RGPD3: variants seen among roughly 807,000 people sequenced by gnomAD.
The protein encoded by RGPD3 is ranBP2-like and GRIP domain-containing protein 3.
RGPD3 carries 62 observed loss-of-function variants against 154.5 expected under a neutral mutation model. The ratio of observed to expected loss-of-function variants is 0.40; its 90% CI spans 0.33 to 0.50. RGPD3 has a LOEUF of 0.50. Among genes scored for constraint, RGPD3 ranks in the 20% least tolerant of loss-of-function variants. The pLI is 0.59. For synonymous variants in RGPD3, 308 were observed against 607.0 expected (o/e 0.51, Z 7.24); for missense variants, 919 against 1,716.8 (o/e 0.54, Z 8.21).
rs1490936174 is a variant in RGPD3 at position 106,438,510 on chromosome 2, G to A, written c.1276+458C>T. ...CTCAAAATACAACAAGGCTGGTCAC[G>A]GTGGCTCACACCTGTAATCCCAGCA... On this transcript the variant is annotated intron_variant, in intron 9 of 22. Transcript: ENST00000409886. Among the ~76,000 whole-genome samples, 10 of 148,578 alleles carry A rather than the reference G, an allele frequency of 6.7e-5. No individual in the cohort carries two copies. In the East Asian group the frequency reaches 8.5e-4, roughly 13 times the overall value.
intron 17 of RGPD3, among the ~76,000 whole-genome samples, chr2:106,432,263 G>T (rs1343385622): frequency 6.7e-6 from 1 of 148,182 alleles, no homozygotes; most frequent in African/African-American, 2.5e-5. Flanking sequence ...AACCAGCTTG[G>T]CCAACATGGT....
rs771661485 is a variant in RGPD3 at position 106,468,201 on chromosome 2, T to G, written c.72+16A>C. Reference sequence around the variant, plus strand: ...CGGCCAGGTCGAGGCCGTCGGTCTCTTCCAGACCCACTCACCTTTCGAGGC... The same window carrying G: ...CGGCCAGGTCGAGGCCGTCGGTCTCGTCCAGACCCACTCACCTTTCGAGGC... On this transcript the variant is annotated intron_variant, in intron 1 of 22. Transcript: ENST00000409886. 1.2e-6 allele frequency: 2 copies of G among 1,600,164 alleles called. No homozygotes were observed. Among genetic ancestry groups the G allele is most frequent in the African/African-American group, 2.7e-5 (2 of 74,582 alleles).
chr2:106,438,439 G>A (rs1481230507), intron 9 of RGPD3, among the ~76,000 whole-genome samples: 41 of 149,926 alleles, frequency 2.7e-4, no homozygotes, highest in Non-Finnish European at 4.8e-4. Context: ...AGTGACCTAC[G>A]ATCACGCCAC....
chr2:106,446,227 C>T, intron 7 of RGPD3, among the ~76,000 whole-genome samples: 1 of 122,378 alleles, frequency 8.2e-6, no homozygotes, highest in African/African-American at 3.1e-5. Context: ...TGGAAGACTG[C>T]TTATTTCTTT....
intron 18 of RGPD3, among the ~76,000 whole-genome samples, chr2:106,426,780 A>G (rs1281116048): frequency 6.6e-6 from 1 of 152,268 alleles, no homozygotes; most frequent in East Asian, 1.9e-4. Context: ...GAAAACAACC[A>G]AAAGATCTTT....
At chr2:106,421,351 C>T (rs1230822108) in intron 20 of RGPD3, among the ~76,000 whole-genome samples, 1 of 152,048 alleles carries the variant, frequency 6.6e-6, no homozygotes, top group African/African-American at 2.4e-5. Context: ...AAGTATACAT[C>T]CACTTTTAAG....
Position 106,466,990 on chromosome 2 carries a change from T to C in RGPD3, c.72+1227A>G, listed in dbSNP as rs1295950474. ...GGCCGCCGCAGGGCCAGGTCGAGGC[T>C]GCCGCCGCCTGGCCAGGTCGAGGCC... On this transcript the variant is annotated intron_variant, in intron 1 of 22. Transcript: ENST00000409886. Among the ~76,000 whole-genome samples the C allele has an allele frequency of 1.8e-4, 19 of 106,736 alleles. 1 individual carries two copies. Among genetic ancestry groups the C allele is most frequent in the Non-Finnish European group, 2.1e-4 (11 of 51,262 alleles). 70.0% of individuals were successfully genotyped at this position (106,736 alleles called of 152,430 possible). A position where few individuals can be genotyped will look rare whatever the true frequency, so the allele number is the denominator to read the frequency against.
chr2:106,424,046 G>A lies in RGPD3; in HGVS notation c.3921C>T (p.Ala1307=), dbSNP rs1677097051. ...KSALSLSKSP[A]KLNQSGTSVG... ...CTGAAGTCCCACTCTGATTCAACTT[G>A]GCAGGAGACTTAGATAGACTCAAAG... Residue 1307 remains alanine, a synonymous_variant, in exon 20 of 23, where the codon GCC becomes GCT. Transcript: ENST00000409886. The A allele has an allele frequency of 6.2e-7, 1 of 1,611,414 alleles. No homozygotes were observed. Among genetic ancestry groups the A allele is most frequent in the African/African-American group, 1.3e-5 (1 of 74,686 alleles).
intron 21 of RGPD3, among the ~76,000 whole-genome samples, chr2:106,413,925 T>C (rs567376289): frequency 6.6e-6 from 1 of 152,278 alleles, no homozygotes; most frequent in East Asian, 1.9e-4. Flanking sequence ...CTACTTTTGA[T>C]AGAAACTAAG....
chr2:106,470,687 A>G, upstream of RGPD3: 1 of 1,012,220 alleles, frequency 9.9e-7, no homozygotes, highest in Non-Finnish European at 1.4e-6. Flanking sequence ...CTGTTTGAAA[A>G]CATTTATTCT....
intron 19 of RGPD3, 73 bp from the exon 20 acceptor site, chr2:106,425,339 T>A (rs1183905010): frequency 2.6e-5 from 41 of 1,587,692 alleles, no homozygotes; most frequent in Non-Finnish European, 3.2e-5. Context: ...ACCTTCTTCA[T>A]TCCTAAACAA....
chr2:106,406,062 A>G (rs1676506211), intron 22 of RGPD3, among the ~76,000 whole-genome samples: 1 of 151,466 alleles, frequency 6.6e-6, no homozygotes, highest in Non-Finnish European at 1.5e-5. Flanking sequence ...TTTTAAAAAA[A>G]ATTCTTTTAA....
At chr2:106,426,927 T>C (rs1677216772) in intron 18 of RGPD3, among the ~76,000 whole-genome samples, 2 of 151,366 alleles carry the variant, frequency 1.3e-5, no homozygotes, top group South Asian at 4.2e-4. Flanking sequence ...CTTACAGAGG[T>C]GAGGATAGCT....
At chr2:106,445,194 C>T (rs1445797033) in intron 7 of RGPD3, among the ~76,000 whole-genome samples, 86 of 134,846 alleles carry the variant, frequency 6.4e-4, no homozygotes, top group African/African-American at 2.3e-3. Context: ...GAGGCTGAGG[C>T]AGGAGAATGG....
intron 8 of RGPD3, among the ~76,000 whole-genome samples, chr2:106,439,798 G>A (rs1460428351): frequency 2.1e-5 from 2 of 97,442 alleles, no homozygotes; most frequent in African/African-American, 7.2e-5. Context: ...CCCGGGAGGC[G>A]GAGCTTGCAG....
At position 106,466,445 on chromosome 2, in the gene RGPD3, G is replaced by C. The variant is rs1184604806; in HGVS notation, c.72+1772C>G. 3.4e-3 allele frequency among the ~76,000 whole-genome samples: 403 copies of C among 119,462 alleles called. 4 individuals carry two copies. Among genetic ancestry groups the C allele is most frequent in the African/African-American group, 0.012 (370 of 29,800 alleles). 78.4% of individuals were successfully genotyped at this position (119,462 alleles called of 152,430 possible). On this transcript the variant is annotated intron_variant, in intron 1 of 22. Coordinates refer to ENST00000409886, the MANE Select transcript of RGPD3 (RefSeq NM_001144013.2). ...CGGGAGCCATGACGCCTGAGCCATC[G>C]AGGCCGCCGCTGGGCCGGGTCGAGG...
intron 22 of RGPD3, among the ~76,000 whole-genome samples, chr2:106,410,289 T>C (rs1051811679): frequency 4.6e-5 from 7 of 152,202 alleles, no homozygotes; most frequent in African/African-American, 1.7e-4. Flanking sequence ...AAGAGACAAG[T>C]AGTAAATAAT....
At chr2:106,464,142 G>A (rs1422862298) in intron 1 of RGPD3, among the ~76,000 whole-genome samples, 3 of 151,992 alleles carry the variant, frequency 2.0e-5, no homozygotes, top group Non-Finnish European at 4.4e-5. Context: ...TCAGGAGATC[G>A]AGACTATCCT....
chr2:106,437,775 GACT>G (rs1177866449), intron 9 of RGPD3, among the ~76,000 whole-genome samples: 2 of 151,908 alleles, frequency 1.3e-5, no homozygotes, highest in East Asian at 2.0e-4. Flanking sequence ...AGCAAATTAT[GACT>G]ACTTCATAAA....
Sources: gnomAD v4.1 joint callset for allele counts (sites outside exome capture counted in the v4.1 genomes callset) on GRCh38, gnomAD v4.1.1 for gene constraint, MANE v1.5 for transcripts, NCBI Gene and HGNC (gene_info 2026-07-23, HGNC 2026-07-21) for gene names.